PIK3R4: variants seen among roughly 807,000 people sequenced by gnomAD.
PIK3R4 encodes the protein phosphoinositide-3-kinase regulatory subunit 4.
A neutral mutation model predicts 136.5 loss-of-function variants in PIK3R4; 46 were observed. That is an observed-to-expected ratio of 0.34 (90% CI 0.27 to 0.43). PIK3R4 has a LOEUF of 0.43. Among genes scored for constraint, PIK3R4 ranks in the 20% least tolerant of loss-of-function variants. PIK3R4 has a pLI of 1.00. For synonymous variants in PIK3R4, 557 were observed against 566.7 expected, an observed-to-expected ratio of 0.98 and a Z score of 0.24; for missense variants, 1,331 against 1,649.5, an observed-to-expected ratio of 0.81 and a Z score of 3.35.
At chr3:130,725,632 A>G (rs745909323) in intron 6 of PIK3R4, among the ~76,000 whole-genome samples, 2 of 151,944 alleles carry the variant, frequency 1.3e-5, no homozygotes, top group African/African-American at 2.4e-5. Flanking sequence ...CTGACTTCAG[A>G]AAAACTGTCT....
Position 130,691,643 on chromosome 3 carries a change from AT to A in PIK3R4, c.3099-990del, listed in dbSNP as rs550821315. ...TCAAAAGCCCCTGAACACCGAACAC[AT>A]TCATCTATCTTGTGTAATTTATTTC... On this transcript the variant is annotated intron_variant, in intron 13 of 19. Transcript: ENST00000356763. 2.3e-3 allele frequency among the ~76,000 whole-genome samples: 347 copies of A among 152,238 alleles called. 2 individuals carry two copies. Among genetic ancestry groups the A allele is most frequent in the Non-Finnish European group, 4.3e-3 (293 of 68,010 alleles).
In PIK3R4 at chr3:130,744,661, G is replaced by A. The variant is rs1257686976; in HGVS notation, c.558C>T (p.Phe186=). 3 of 1,614,224 alleles carry A rather than the reference G, an allele frequency of 1.9e-6. No homozygotes were observed. The highest frequency in any genetic ancestry group is 2.5e-6 in the Non-Finnish European group (3 of 1,180,030). The change falls in exon 2 of 20, where the codon TTC becomes TTT. Residue 186 remains phenylalanine (F), a synonymous_variant. Coordinates refer to ENST00000356763, the MANE Select transcript of PIK3R4 (RefSeq NM_014602.3). ...AAGTTCTCCTCCGTGATGTGTCAAA[G>A]AAATAATTGAAATCTGCCGGGTTGT... ...PEDNPADFNY[F]FDTSRRRTCY...
chr3:130,698,673 G>T (rs989012766), intron 13 of PIK3R4, among the ~76,000 whole-genome samples: 5 of 152,102 alleles, frequency 3.3e-5, no homozygotes, highest in African/African-American at 1.2e-4. Flanking sequence ...GTCTAGTAAG[G>T]TTTTTTCCTA....
At chr3:130,687,302 A>AACTT (rs1303196018) in intron 14 of PIK3R4, among the ~76,000 whole-genome samples, 3 of 152,138 alleles carry the variant, frequency 2.0e-5, no homozygotes, top group Admixed American at 6.6e-5. Context: ...AGCATTCGAA[A>AACTT]ACTTACAGTT....
intron 14 of PIK3R4, 56 bp downstream of exon 14, chr3:130,690,433 CT>C: frequency 8.2e-7 from 1 of 1,226,528 alleles, no homozygotes; most frequent in Non-Finnish European, 1.1e-6. Flanking sequence ...AGAAAGGAGA[CT>C]TAAGGTACTG....
At chr3:130,734,787 T>C (rs2066776986) in intron 3 of PIK3R4, among the ~76,000 whole-genome samples, 1 of 152,200 alleles carries the variant, frequency 6.6e-6, no homozygotes, top group African/African-American at 2.4e-5. Flanking sequence ...GCACAGAACA[T>C]AGTTTAATCT....
chr3:130,711,030 AAC>A (rs1491143309), intron 9 of PIK3R4, among the ~76,000 whole-genome samples: 37 of 151,858 alleles, frequency 2.4e-4, no homozygotes, highest in African/African-American at 8.5e-4. Flanking sequence ...AAAAAAAAAA[AAC>A]AAGCTGGGAG....
At chr3:130,697,056 A>G (rs2066549795) in intron 13 of PIK3R4, among the ~76,000 whole-genome samples, 1 of 116,998 alleles carries the variant, frequency 8.5e-6, no homozygotes, top group Admixed American at 9.4e-5. Flanking sequence ...GACATTGGCC[A>G]CTCCAGCTTT....
chr3:130,708,997 T>C (rs944464566), intron 9 of PIK3R4, among the ~76,000 whole-genome samples: 24 of 152,120 alleles, frequency 1.6e-4, no homozygotes, highest in Non-Finnish European at 3.4e-4. Flanking sequence ...AAGGGATTGA[T>C]TGGAATGCTG....
chr3:130,715,217 A>G (rs1217576254), intron 9 of PIK3R4, among the ~76,000 whole-genome samples: 2 of 142,228 alleles, frequency 1.4e-5, no homozygotes, highest in Non-Finnish European at 3.0e-5. Flanking sequence ...TCTGCCTCCC[A>G]GGTTCAAGCG....
At chr3:130,679,678 A>C (rs2066443216) in intron 19 of PIK3R4, among the ~76,000 whole-genome samples, 193 bp from the exon 20 acceptor site, 1 of 152,196 alleles carries the variant, frequency 6.6e-6, no homozygotes, top group Admixed American at 6.5e-5. Flanking sequence ...TAGTCATTGG[A>C]TTTCATGAGT....
intron 9 of PIK3R4, among the ~76,000 whole-genome samples, chr3:130,709,155 T>C (rs1020265031): frequency 1.3e-5 from 2 of 152,158 alleles, no homozygotes; most frequent in African/African-American, 2.4e-5. Flanking sequence ...CTGGCACCCA[T>C]CTTATCAGAT....
rs1205810177 is a variant in PIK3R4, at chr3:130,733,672, G to C, written c.1326C>G (p.Thr442=). The change falls in exon 4 of 20, where the codon ACC becomes ACG. Residue 442 remains threonine, a synonymous_variant. Transcript: ENST00000356763. The part of the protein sequence containing the change: ...RVRAEALRTL[T]KVLALVKEVP... ...CCTCTTTGACGAGAGCAAGAACTTT[G>C]GTCAACGTCCTCAAGGCTTCAGCCC... 1.9e-6 allele frequency: 3 copies of C among 1,613,994 alleles called. No homozygotes were observed. Among genetic ancestry groups the C allele is most frequent in the Admixed American group, 3.3e-5 (2 of 60,020 alleles).
chr3:130,679,507 G>A (rs1041461896), intron 19 of PIK3R4, 22 bp from the exon 20 acceptor site: 1 of 1,590,558 alleles, frequency 6.3e-7, no homozygotes, highest in Admixed American at 1.7e-5. Context: ...TTAAAAGGGA[G>A]CAAGCCAGAG....
chr3:130,695,294 G>C (rs978359080), intron 13 of PIK3R4, among the ~76,000 whole-genome samples: 9 of 152,150 alleles, frequency 5.9e-5, no homozygotes, highest in Admixed American at 5.9e-4. Flanking sequence ...GAGTTAAGAA[G>C]TGTTCCCTCA....
Position 130,721,769 on chromosome 3 carries a change from G to C in PIK3R4, c.1981+1645C>G, listed in dbSNP as rs145921448. 9.8e-3 allele frequency among the ~76,000 whole-genome samples: 1,490 copies of C among 152,224 alleles called. 33 individuals carry two copies. Among genetic ancestry groups the C allele is most frequent in the African/African-American group, 0.033 (1,374 of 41,530 alleles). On this transcript the variant is annotated intron_variant, in intron 7 of 19. Transcript: ENST00000356763. ...GGGAGGGTGGAATGGGCAGGTGTTA[G>C]TCAAAGGATACAAAAATTCAGTTAG... is the stretch of plus-strand genomic sequence containing the variant.
chr3:130,727,895 A>G (rs1263000448), intron 6 of PIK3R4, among the ~76,000 whole-genome samples: 2 of 152,156 alleles, frequency 1.3e-5, no homozygotes, highest in Non-Finnish European at 2.9e-5. Flanking sequence ...AAGATGTCTG[A>G]CTTTAGATAT....
At chr3:130,711,526 T>C (rs904286339) in intron 9 of PIK3R4, among the ~76,000 whole-genome samples, 4 of 152,144 alleles carry the variant, frequency 2.6e-5, no homozygotes, top group African/African-American at 9.7e-5. Context: ...TGGCTGAATA[T>C]GAAACTATGT....
chr3:130,725,254 T>C (rs1351048980), intron 6 of PIK3R4, among the ~76,000 whole-genome samples: 1 of 151,560 alleles, frequency 6.6e-6, no homozygotes. Context: ...GCTATGAATA[T>C]GAGTACAAGA....
Sources: gnomAD v4.1 joint callset for allele counts (sites outside exome capture counted in the v4.1 genomes callset) on GRCh38, gnomAD v4.1.1 for gene constraint, MANE v1.5 for transcripts, NCBI Gene and HGNC (gene_info 2026-07-23, HGNC 2026-07-21) for gene names.